PSD3: variants seen among roughly 807,000 people sequenced by gnomAD.
The protein encoded by PSD3 is PH and SEC7 domain-containing protein 3.
In PSD3, 49 loss-of-function variants were observed where a neutral mutation model predicts 105.5. That is an observed-to-expected ratio of 0.46 (90% CI 0.37 to 0.59). PSD3 has a LOEUF of 0.59. Ranked by LOEUF, PSD3 falls within the 20% of genes least tolerant of loss-of-function variation. The pLI is 0.00. For synonymous variants in PSD3, 557 were observed against 457.8 expected (o/e 1.22, Z -2.77); for missense variants, 1,561 against 1,263.8 (o/e 1.24, Z -3.57).
intron 11 of PSD3, among the ~76,000 whole-genome samples, chr8:18,612,999 C>T (rs1805379079): frequency 6.7e-6 from 1 of 149,728 alleles, no homozygotes; most frequent in African/African-American, 2.5e-5. Context: ...ATGGCTTGGG[C>T]TGAGGTTGGA....
At chr8:18,944,619 T>G (rs1433188294) in intron 1 of PSD3, among the ~76,000 whole-genome samples, 2 of 135,174 alleles carry the variant, frequency 1.5e-5, no homozygotes, top group East Asian at 4.4e-4. Context: ...AATAAATAAA[T>G]AAAGTTTAAG....
intron 1 of PSD3, among the ~76,000 whole-genome samples, chr8:18,951,268 G>A (rs1214815599): frequency 6.6e-6 from 1 of 152,156 alleles, no homozygotes; most frequent in Non-Finnish European, 1.5e-5. Context: ...GGTGGCACAT[G>A]CCTGTAACCT....
Position 18,834,621 on chromosome 8 carries a change from A to T in PSD3, c.1635-29723T>A, listed in dbSNP as rs79906113. ...TGGGCCGCGGATACCCATGCACTTA[A>T]ACTATGACTGGGTACGTGAACTGAA... On this transcript the variant is annotated intron_variant, in intron 4 of 15. Transcript: ENST00000327040. Among the ~76,000 whole-genome samples the T allele has an allele frequency of 1.6e-3, 240 of 152,318 alleles. 5 individuals carry two copies. The East Asian group carries it at 0.035, about 22-fold the overall frequency.
intron 1 of PSD3, among the ~76,000 whole-genome samples, chr8:19,029,314 T>C (rs988814992): frequency 1.3e-5 from 2 of 152,224 alleles, no homozygotes; most frequent in South Asian, 4.1e-4. Context: ...TATTTATATT[T>C]CCTTTGATTT....
At chr8:18,814,948 A>G (rs1333644530) in intron 4 of PSD3, among the ~76,000 whole-genome samples, 2 of 152,230 alleles carry the variant, frequency 1.3e-5, no homozygotes, top group Non-Finnish European at 2.9e-5. Context: ...GTGGATAAGA[A>G]CTACAATTTT....
At chr8:18,974,229 A>G (rs1824803804) in intron 1 of PSD3, among the ~76,000 whole-genome samples, 1 of 152,164 alleles carries the variant, frequency 6.6e-6, no homozygotes, top group Admixed American at 6.5e-5. Flanking sequence ...ATAAAGAAAA[A>G]GGCTCAAAAA....
intron 9 of PSD3, among the ~76,000 whole-genome samples, chr8:18,678,240 A>C (rs1458071857): frequency 6.6e-6 from 1 of 152,148 alleles, no homozygotes; most frequent in Non-Finnish European, 1.5e-5. Flanking sequence ...CTAGTGCAGG[A>C]GGATGTTGAT....
At chr8:18,835,129 G>T (rs1016051628) in intron 4 of PSD3, among the ~76,000 whole-genome samples, 1 of 152,142 alleles carries the variant, frequency 6.6e-6, no homozygotes, top group Admixed American at 6.6e-5. Flanking sequence ...AGTACAATCT[G>T]ATATATATTG....
chr8:18,826,781 C>T (rs1398848404), intron 4 of PSD3, among the ~76,000 whole-genome samples: 4 of 152,172 alleles, frequency 2.6e-5, no homozygotes, highest in Non-Finnish European at 5.9e-5. Context: ...ATTTTGTACT[C>T]AACACTGAGA....
intron 1 of PSD3, among the ~76,000 whole-genome samples, chr8:19,058,774 A>C (rs1183550511): frequency 6.6e-6 from 1 of 152,148 alleles, no homozygotes; most frequent in Non-Finnish European, 1.5e-5. Context: ...TTAGTGGCTC[A>C]TCAGTACCGA....
At chr8:18,900,946 C>T (rs1819464032) in intron 2 of PSD3, among the ~76,000 whole-genome samples, 1 of 152,130 alleles carries the variant, frequency 6.6e-6, no homozygotes, top group South Asian at 2.1e-4. Context: ...TTATATAGTA[C>T]AGTATGTACT....
intron 1 of PSD3, among the ~76,000 whole-genome samples, chr8:19,073,755 C>T (rs1000687359): frequency 1.3e-5 from 2 of 151,508 alleles, no homozygotes; most frequent in African/African-American, 4.8e-5. Context: ...ATCACCTGCT[C>T]TGATTTGCTA....
intron 2 of PSD3, among the ~76,000 whole-genome samples, chr8:18,928,060 A>T (rs1305743156): frequency 6.6e-6 from 1 of 152,212 alleles, no homozygotes; most frequent in Non-Finnish European, 1.5e-5. Flanking sequence ...TTCTCCTAAC[A>T]GCATTACTCA....
At chr8:18,695,108 G>A (rs1183525590) in intron 9 of PSD3, among the ~76,000 whole-genome samples, 1 of 152,142 alleles carries the variant, frequency 6.6e-6, no homozygotes. Flanking sequence ...TAGCCTTCTA[G>A]ACTTTTAGAC....
chr8:18,580,877 T>C (rs17596328), intron 12 of PSD3, among the ~76,000 whole-genome samples: 3,408 of 152,304 alleles, frequency 0.022, 50 homozygotes, highest in Non-Finnish European at 0.036. Context: ...TTCACTGCCA[T>C]GCACTAACGA....
intron 9 of PSD3, among the ~76,000 whole-genome samples, chr8:18,751,258 G>A (rs1805466141): frequency 6.6e-6 from 1 of 152,200 alleles, no homozygotes; most frequent in African/African-American, 2.4e-5. Context: ...GGGGGACCCA[G>A]TACACCCTCC....
chr8:19,081,655 C>T (rs1381004974), intron 1 of PSD3, among the ~76,000 whole-genome samples: 3 of 152,218 alleles, frequency 2.0e-5, no homozygotes, highest in Admixed American at 1.3e-4. Flanking sequence ...GGTCATAGAA[C>T]AAACTAAGAA....
chr8:18,640,331 A>T (rs1807553616), intron 10 of PSD3, among the ~76,000 whole-genome samples: 1 of 152,018 alleles, frequency 6.6e-6, no homozygotes, highest in Non-Finnish European at 1.5e-5. Flanking sequence ...CAACAACAAA[A>T]CTGCATACAT....
At chr8:18,636,930 A>T (rs868178433) in intron 10 of PSD3, among the ~76,000 whole-genome samples, 4 of 152,214 alleles carry the variant, frequency 2.6e-5, no homozygotes, top group Non-Finnish European at 4.4e-5. Flanking sequence ...ACTCACGTGT[A>T]TACACACATC....
Sources: allele counts gnomAD v4.1 joint callset (sites outside exome capture counted in the v4.1 genomes callset), GRCh38; gene constraint gnomAD v4.1.1; transcripts MANE v1.5; gene names NCBI Gene and HGNC (gene_info 2026-07-23, HGNC 2026-07-21).